DSTN: variants seen among roughly 807,000 people sequenced by gnomAD.
DSTN encodes destrin, actin depolymerizing factor.
In DSTN, 10 loss-of-function variants were observed where a neutral mutation model predicts 16.8. That is an observed-to-expected ratio of 0.60 (90% CI 0.37 to 1.01). DSTN has a LOEUF of 1.01. DSTN is among the 50% of genes least tolerant of loss of function. The pLI is 0.01. For missense variants in DSTN, 141 were observed against 196.7 expected (o/e 0.72, Z 1.69); for synonymous variants, 57 against 58.9 (o/e 0.97, Z 0.14).
chr20:17,574,085 T>G (rs555311006), intron 1 of DSTN, among the ~76,000 whole-genome samples: 1 of 152,088 alleles, frequency 6.6e-6, no homozygotes, highest in African/African-American at 2.4e-5. Flanking sequence ...GTGCCTATAC[T>G]CCTAGCTATT....
chr20:17,578,003 C>G (rs999549800), intron 1 of DSTN, among the ~76,000 whole-genome samples: 1 of 152,224 alleles, frequency 6.6e-6, no homozygotes, highest in Non-Finnish European at 1.5e-5. Flanking sequence ...TTAAAGGACT[C>G]GTTAAGTCAC....
In DSTN at chr20:17,609,420, C is replaced by T. The variant is rs979161139; in HGVS notation, c.*2274C>T. On this transcript the variant is annotated 3_prime_UTR_variant, in exon 4 of 4. Coordinates refer to ENST00000246069, the MANE Select transcript of DSTN (RefSeq NM_006870.4). ...GGAAGTGCCATAAGCCCAAGACTGCCGTACTCAAAAGTCAGCCATGTAGGT... is the reference window on the plus strand; with the variant it reads ...GGAAGTGCCATAAGCCCAAGACTGCTGTACTCAAAAGTCAGCCATGTAGGT... The T allele has an allele frequency of 3.9e-5, 6 of 152,122 alleles. No homozygotes were observed. The highest frequency in any genetic ancestry group is 1.2e-4 in the African/African-American group (5 of 41,400). 9.4% of individuals were successfully genotyped at this position (152,122 alleles called of 1,614,324 possible).
chr20:17,588,283 T>G (rs1017709308), intron 1 of DSTN, among the ~76,000 whole-genome samples: 4 of 152,212 alleles, frequency 2.6e-5, no homozygotes, highest in Non-Finnish European at 5.9e-5. Flanking sequence ...ATCCCCTGTT[T>G]GAGTTATCCC....
At position 17,609,202 on chromosome 20, in the gene DSTN, T is replaced by C. The variant is rs901658269; in HGVS notation, c.*2056T>C. The stretch of plus-strand genomic sequence containing the variant: ...TTTCTTTACTTTGTAGCAATGCTTT[T>C]AGTGTGGGTTTTGTTTTTTGAGACA... On this transcript the variant is annotated 3_prime_UTR_variant, in exon 4 of 4. Transcript: ENST00000246069. 1 of 152,204 alleles carries C rather than the reference T, an allele frequency of 6.6e-6. No homozygotes were observed. The highest frequency in any genetic ancestry group is 1.5e-5 in the Non-Finnish European group (1 of 68,030). The allele number at this position is 152,204 out of a possible 1,614,324, so 9.4% of individuals were successfully genotyped here.
chr20:17,602,777 A>G (rs1467087466), intron 2 of DSTN, among the ~76,000 whole-genome samples: 2 of 152,310 alleles, frequency 1.3e-5, no homozygotes, highest in African/African-American at 4.8e-5. Context: ...CTGTAATCTC[A>G]GCACTTTGGG....
intron 1 of DSTN, among the ~76,000 whole-genome samples, chr20:17,597,212 A>G (rs2035535694): frequency 6.6e-6 from 1 of 152,228 alleles, no homozygotes; most frequent in African/African-American, 2.4e-5. Context: ...GCTTTTTAAA[A>G]TTAGGAATGT....
Position 17,609,089 on chromosome 20 carries a change from T to G in DSTN, c.*1943T>G, listed in dbSNP as rs999437666. Reference sequence around the variant, plus strand: ...AATGTTGATCCACATGCCAGGTGTTTGTGAGACAAGATTATGCTTTAATCA... The same window carrying G: ...AATGTTGATCCACATGCCAGGTGTTGGTGAGACAAGATTATGCTTTAATCA... On this transcript the variant is annotated 3_prime_UTR_variant, in exon 4 of 4. Transcript: ENST00000246069. 1 of 152,244 alleles carries G rather than the reference T, an allele frequency of 6.6e-6. No individual in the cohort carries two copies. Among genetic ancestry groups the G allele is most frequent in the Non-Finnish European group, 1.5e-5 (1 of 68,046 alleles). The allele number at this position is 152,244 out of a possible 1,614,324, so 9.4% of individuals were successfully genotyped here.
At chr20:17,573,350 G>T (rs1278601778) in intron 1 of DSTN, among the ~76,000 whole-genome samples, 4 of 151,896 alleles carry the variant, frequency 2.6e-5, no homozygotes, top group African/African-American at 9.7e-5. Flanking sequence ...GCAGCTTTTG[G>T]ATTTATTTGT....
chr20:17,606,855 G>C (rs1232059762), intron 3 of DSTN, among the ~76,000 whole-genome samples, 182 bp from the exon 4 acceptor site: 3 of 152,166 alleles, frequency 2.0e-5, no homozygotes, highest in African/African-American at 7.2e-5. Flanking sequence ...CTGTTTGTGA[G>C]GCCCATCTAT....
In DSTN at chr20:17,608,535, T is replaced by C. The variant is rs1275929467; in HGVS notation, c.*1389T>C. 6.7e-6 allele frequency: 1 copy of C among 149,294 alleles called. No homozygotes were observed. Among genetic ancestry groups the C allele is most frequent in the Non-Finnish European group, 1.5e-5 (1 of 67,586 alleles). 9.2% of individuals were successfully genotyped at this position (149,294 alleles called of 1,614,324 possible). A position where few individuals can be genotyped will look rare whatever the true frequency, so the allele number is the denominator to read the frequency against. ...GTCCCAGCTACTTTGGATGCTGAGGTGGGAGGATCACTTGAGCCCAGGAGG... is the reference window on the plus strand; with the variant it reads ...GTCCCAGCTACTTTGGATGCTGAGGCGGGAGGATCACTTGAGCCCAGGAGG... On this transcript the variant is annotated 3_prime_UTR_variant, in exon 4 of 4. Coordinates refer to ENST00000246069, the MANE Select transcript of DSTN (RefSeq NM_006870.4).
chr20:17,606,417 A>C (rs1247233994), intron 3 of DSTN, among the ~76,000 whole-genome samples: 1 of 152,238 alleles, frequency 6.6e-6, no homozygotes, highest in Non-Finnish European at 1.5e-5. Flanking sequence ...ATAAATGTGT[A>C]GTGTAATACC....
intron 1 of DSTN, among the ~76,000 whole-genome samples, chr20:17,587,293 G>T (rs2035421069): frequency 6.6e-6 from 1 of 151,788 alleles, no homozygotes; most frequent in Non-Finnish European, 1.5e-5. Context: ...TTGAGACAGG[G>T]TCTTGCTCTG....
rs569325977 is a variant in DSTN, at chr20:17,602,752, C to T, written c.311+1707C>T. ...TAACAAAAGTACCCACTCTGCTGGG[C>T]GCAGTGACTCATGCCTGTAATCTCA... is the stretch of plus-strand genomic sequence containing the variant. On this transcript the variant is annotated intron_variant, in intron 2 of 3. Coordinates refer to ENST00000246069, the MANE Select transcript of DSTN (RefSeq NM_006870.4). Among the ~76,000 whole-genome samples the T allele has an allele frequency of 5.3e-5, 8 of 152,266 alleles. No individual in the cohort carries two copies. In the East Asian group the frequency reaches 1.2e-3, roughly 22 times the overall value.
In DSTN at chr20:17,570,151, T is replaced by C; in HGVS notation, c.-58T>C. On this transcript the variant is annotated 5_prime_UTR_variant, in exon 1 of 4. Transcript: ENST00000246069. ...TCCCGCAGCCGTGAGGAGGACGGTC[T>C]GCATACTCGCTGCCCGCCGGCTCCC... is the stretch of plus-strand genomic sequence containing the variant. 1 of 1,516,658 alleles carries C rather than the reference T, an allele frequency of 6.6e-7. No individual in the cohort carries two copies. 94.0% of individuals were successfully genotyped at this position (1,516,658 alleles called of 1,614,324 possible).
intron 1 of DSTN, among the ~76,000 whole-genome samples, chr20:17,574,579 AG>A (rs1276526543): frequency 1.3e-5 from 2 of 152,136 alleles, no homozygotes; most frequent in Non-Finnish European, 2.9e-5. Flanking sequence ...AAAAGTCTAT[AG>A]CTGGGCGTGG....
intron 1 of DSTN, 47 bp downstream of exon 1, chr20:17,570,258 G>T: frequency 6.8e-7 from 1 of 1,470,434 alleles, no homozygotes; most frequent in Non-Finnish European, 9.0e-7. Context: ...GCCGGGAGCA[G>T]TGTGTCTCTG....
chr20:17,600,918 G>A lies in DSTN; in HGVS notation c.184G>A (p.Val62Ile). ...AGAGATCTTGGTTGGAGATGTTGGT[G>A]TAACCATAACTGATCCTTTCAAGCA... Reference protein sequence around the residue: ...GKEILVGDVGVTITDPFKHFV... With the variant: ...GKEILVGDVGITITDPFKHFV... The change falls in exon 2 of 4, where the codon GTA (valine) becomes ATA (isoleucine). Residue 62 changes from valine (V) to isoleucine (I), a missense_variant. Val to Ile is a conservative substitution (Grantham distance 29, BLOSUM62 3). Coordinates refer to ENST00000246069, the MANE Select transcript of DSTN (RefSeq NM_006870.4). 1.2e-6 allele frequency: 2 copies of A among 1,613,998 alleles called. No homozygotes were observed.
chr20:17,606,258 C>A (rs935720154), intron 3 of DSTN, among the ~76,000 whole-genome samples: 2 of 152,188 alleles, frequency 1.3e-5, no homozygotes, highest in African/African-American at 4.8e-5. Flanking sequence ...TGGGAATAAC[C>A]ATGCAGCTAT....
chr20:17,572,454 C>T (rs1016379642), intron 1 of DSTN, among the ~76,000 whole-genome samples: 1 of 152,208 alleles, frequency 6.6e-6, no homozygotes, highest in African/African-American at 2.4e-5. Flanking sequence ...TGAGACATCA[C>T]ACCTAGACTT....
Sources: allele counts gnomAD v4.1 joint callset (sites outside exome capture counted in the v4.1 genomes callset), GRCh38; gene constraint gnomAD v4.1.1; transcripts MANE v1.5; gene names NCBI Gene and HGNC (gene_info 2026-07-23, HGNC 2026-07-21).